Variants in TEX14 observed in about 807,000 individuals in gnomAD.
TEX14 encodes inactive serine/threonine-protein kinase TEX14.
A neutral mutation model predicts 178.6 loss-of-function variants in TEX14; 168 were observed. The ratio of observed to expected loss-of-function variants is 0.94; its 90% CI spans 0.83 to 1.07. The LOEUF is 1.07. Ranked by LOEUF, TEX14 falls within the 50% of genes least tolerant of loss-of-function variation. The pLI is 0.00. For synonymous variants in TEX14, 626 were observed against 634.1 expected (o/e 0.99, Z 0.19); for missense variants, 1,730 against 1,753.6 (o/e 0.99, Z 0.24).
chr17:58,647,505 C>T (rs1464870453), intron 2 of TEX14, among the ~76,000 whole-genome samples: 1 of 151,204 alleles, frequency 6.6e-6, no homozygotes, highest in African/African-American at 2.4e-5. Flanking sequence ...GCACTCCAGC[C>T]TGGGCGACTG....
At chr17:58,572,230 A>G (rs2144363687) in intron 23 of TEX14, 104 bp from the exon 24 acceptor site, 1 of 702,560 alleles carries the variant, frequency 1.4e-6, no homozygotes, top group East Asian at 2.6e-5. Flanking sequence ...TATGATGTGC[A>G]GAAATGAATC....
At chr17:58,602,702 A>T (rs2045486423) in intron 11 of TEX14, 112 bp from the exon 12 acceptor site, 2 of 736,442 alleles carry the variant, frequency 2.7e-6, no homozygotes, top group Admixed American at 3.0e-5. Flanking sequence ...TAACTTCTTT[A>T]TTTTTTTTTC....
chr17:58,605,252 C>T (rs561666461), intron 10 of TEX14, 123 bp from the exon 11 acceptor site: 17 of 1,198,452 alleles, frequency 1.4e-5, no homozygotes, highest in South Asian at 1.2e-4. Flanking sequence ...AAAGCAGCAG[C>T]GTGATCTCAG....
At chr17:58,658,638 A>G (rs1243699307) in intron 1 of TEX14, among the ~76,000 whole-genome samples, 1 of 151,496 alleles carries the variant, frequency 6.6e-6, no homozygotes, top group Non-Finnish European at 1.5e-5. Context: ...TGATCCACCC[A>G]CCTCGGCCTC....
intron 7 of TEX14, 93 bp from the exon 8 acceptor site, chr17:58,615,438 G>A: frequency 6.1e-6 from 5 of 821,042 alleles, no homozygotes; most frequent in Non-Finnish European, 1.0e-5. Flanking sequence ...CCAGAGAAAT[G>A]GTCTCCACAC....
At chr17:58,610,661 G>A (rs916125099) in intron 10 of TEX14, among the ~76,000 whole-genome samples, 23 of 152,230 alleles carry the variant, frequency 1.5e-4, no homozygotes, top group Non-Finnish European at 2.2e-4. Context: ...CGAAGTGGGC[G>A]GATCACCTGA....
At chr17:58,559,214 T>C (rs1344363158) in intron 30 of TEX14, among the ~76,000 whole-genome samples, 1 of 152,008 alleles carries the variant, frequency 6.6e-6, no homozygotes, top group Non-Finnish European at 1.5e-5. Context: ...ACGTGCAAGA[T>C]AATGATGATG....
chr17:58,618,903 T>A (rs2045935295), intron 5 of TEX14, among the ~76,000 whole-genome samples: 1 of 152,230 alleles, frequency 6.6e-6, no homozygotes, highest in Admixed American at 6.5e-5. Flanking sequence ...ATAGTTTCCC[T>A]TTCACTCTCG....
intron 19 of TEX14, among the ~76,000 whole-genome samples, chr17:58,583,031 C>T (rs905960383): frequency 4.7e-5 from 7 of 148,914 alleles, no homozygotes; most frequent in African/African-American, 1.5e-4. Flanking sequence ...AGTACAGTGG[C>T]GCAATGACAG....
Position 58,616,322 on chromosome 17 carries a change from G to T in TEX14, c.637-17C>A. On this transcript the variant is annotated splice_polypyrimidine_tract_variant and intron_variant, in intron 6 of 31. Coordinates refer to ENST00000349033, the MANE Select transcript of TEX14 (RefSeq NM_031272.5). The stretch of plus-strand genomic sequence containing the variant: ...AAGATAAAACTGAAACCAAGGCATA[G>T]CCTCAAATTATGGGGAGAAGGGGGG... The T allele has an allele frequency of 1.2e-6, 2 of 1,607,852 alleles. No individual in the cohort carries two copies. The highest frequency in any genetic ancestry group is 1.7e-6 in the Non-Finnish European group (2 of 1,177,798).
intron 8 of TEX14, among the ~76,000 whole-genome samples, chr17:58,614,492 C>T (rs1477661643): frequency 6.6e-6 from 1 of 152,036 alleles, no homozygotes; most frequent in Non-Finnish European, 1.5e-5. Flanking sequence ...TCAATCCTAC[C>T]CTCCCCGCAA....
intron 26 of TEX14, among the ~76,000 whole-genome samples, chr17:58,567,349 G>T (rs2044423573): frequency 6.6e-6 from 1 of 152,086 alleles, no homozygotes; most frequent in Non-Finnish European, 1.5e-5. Flanking sequence ...TTCTGTGCTG[G>T]TGCAGGTCTT....
intron 16 of TEX14, 73 bp from the exon 17 acceptor site, chr17:58,587,739 G>C: frequency 7.9e-7 from 1 of 1,267,292 alleles, no homozygotes; most frequent in South Asian, 1.3e-5. Context: ...TCAAGTTCTT[G>C]ACAGAACCAA....
intron 1 of TEX14, among the ~76,000 whole-genome samples, chr17:58,684,630 C>CAAATAAAT (rs3031764): frequency 7.5e-4 from 106 of 140,442 alleles, no homozygotes; most frequent in South Asian, 3.3e-3. Context: ...GACCCTGTCT[C>CAAATAAAT]AAATAAATAA....
At chr17:58,574,701 A>AAC (rs2044634522) in intron 21 of TEX14, among the ~76,000 whole-genome samples, 1 of 149,760 alleles carries the variant, frequency 6.7e-6, no homozygotes, top group African/African-American at 2.5e-5. Context: ...AAAAAAAAAA[A>AAC]GTGTGAGTTC....
intron 2 of TEX14, among the ~76,000 whole-genome samples, chr17:58,650,423 T>C (rs957529589): frequency 1.1e-4 from 17 of 152,100 alleles, no homozygotes; most frequent in Non-Finnish European, 2.9e-5. Flanking sequence ...ATGCAAAATT[T>C]TGAGGGGAAA....
intron 1 of TEX14, among the ~76,000 whole-genome samples, chr17:58,691,475 T>A (rs931369433): frequency 2.0e-5 from 3 of 151,836 alleles, no homozygotes; most frequent in African/African-American, 7.3e-5. Flanking sequence ...GAGACCAGCC[T>A]GGCCAATATG....
chr17:58,596,331 G>C (rs1447782788), intron 14 of TEX14, among the ~76,000 whole-genome samples: 5 of 152,110 alleles, frequency 3.3e-5, no homozygotes, highest in Admixed American at 1.3e-4. Flanking sequence ...GCCTGTGCTA[G>C]AGTGCTGTCA....
At chr17:58,666,702 T>G (rs911615715) in intron 1 of TEX14, 2 of 152,278 alleles carry the variant, frequency 1.3e-5, no homozygotes. Flanking sequence ...AATTATGAGG[T>G]ACTTGCGTGA....
Sources: gnomAD v4.1 joint callset for allele counts (sites outside exome capture counted in the v4.1 genomes callset) on GRCh38, gnomAD v4.1.1 for gene constraint, MANE v1.5 for transcripts, NCBI Gene and HGNC (gene_info 2026-07-23, HGNC 2026-07-21) for gene names.